The following PTGER3 variants were observed in gnomAD, a reference collection of about 807,000 sequenced individuals.
PTGER3 encodes the protein prostaglandin E2 receptor EP3 subtype.
A neutral mutation model predicts 34.7 loss-of-function variants in PTGER3; 22 were observed. The ratio of observed to expected loss-of-function variants is 0.63; its 90% CI spans 0.45 to 0.91. PTGER3 has a LOEUF of 0.91. PTGER3 is among the 40% of genes least tolerant of loss of function. The pLI, the probability that PTGER3 is intolerant of heterozygous loss-of-function variation, is 0.00. For synonymous variants in PTGER3, 241 were observed against 230.1 expected (o/e 1.05, Z -0.43); for missense variants, 468 against 519.4 (o/e 0.90, Z 0.96).
chr1:70,866,845 G>C lies in PTGER3; in HGVS notation c.*24-13986C>G, dbSNP rs1029148319. ...GCATTTTTTCCAGGCAGCGGGATAG[G>C]GGGTGCATGCTCTTACTTCTGGATC... On this transcript the variant is annotated intron_variant, in intron 4 of 4. Transcript: ENST00000370931. Among the ~76,000 whole-genome samples, 13 of 152,266 alleles carry C rather than the reference G, an allele frequency of 8.5e-5. No homozygotes were observed. In the South Asian group the frequency reaches 2.3e-3, roughly 27 times the overall value.
chr1:70,974,501 A>T (rs569843699), intron 2 of PTGER3, 113 bp from the exon 3 acceptor site: 284 of 640,872 alleles, frequency 4.4e-4, no homozygotes, highest in South Asian at 1.1e-3. Flanking sequence ...TGGATGTTTT[A>T]GATATTACCT....
At chr1:71,008,124 T>C in intron 2 of PTGER3, 1 of 978,698 alleles carries the variant, frequency 1.0e-6, no homozygotes, top group Non-Finnish European at 1.2e-6. Context: ...ACTTTCTTTC[T>C]GTGAAAGAAT....
At chr1:70,982,502 T>G (rs1654479360) in intron 2 of PTGER3, among the ~76,000 whole-genome samples, 1 of 152,160 alleles carries the variant, frequency 6.6e-6, no homozygotes, top group Non-Finnish European at 1.5e-5. Flanking sequence ...TCCACACAAT[T>G]GTTTCTAAAG....
At chr1:70,993,094 G>A (rs1402719821) in intron 2 of PTGER3, among the ~76,000 whole-genome samples, 2 of 152,096 alleles carry the variant, frequency 1.3e-5, no homozygotes, top group South Asian at 2.1e-4. Flanking sequence ...ATATAGATCT[G>A]GATATACTTA....
intron 4 of PTGER3, among the ~76,000 whole-genome samples, chr1:70,890,683 C>T (rs1303623116): frequency 6.6e-6 from 1 of 152,172 alleles, no homozygotes; most frequent in Non-Finnish European, 1.5e-5. Context: ...ACTGTAACAG[C>T]CTGTTCTCAC....
intron 4 of PTGER3, among the ~76,000 whole-genome samples, chr1:70,944,443 C>A (rs1375853473): frequency 1.3e-5 from 2 of 152,032 alleles, no homozygotes; most frequent in Admixed American, 1.3e-4. Flanking sequence ...GAAGTCAGGG[C>A]AAAAGACAGA....
chr1:70,968,002 C>T (rs1007727347), downstream of PTGER3, among the ~76,000 whole-genome samples: 3 of 152,314 alleles, frequency 2.0e-5, no homozygotes, highest in East Asian at 1.9e-4. Context: ...TGTTCTCTTA[C>T]GTATCCCTGG....
intron 4 of PTGER3, among the ~76,000 whole-genome samples, chr1:70,912,842 T>C (rs1647089815): frequency 6.6e-6 from 1 of 152,050 alleles, no homozygotes; most frequent in Admixed American, 6.6e-5. Flanking sequence ...TCCTATTCAG[T>C]TTCATTGATC....
intron 4 of PTGER3, among the ~76,000 whole-genome samples, chr1:70,892,530 C>G (rs945065304): frequency 6.6e-6 from 1 of 152,062 alleles, no homozygotes; most frequent in Non-Finnish European, 1.5e-5. Context: ...TATCCTCATC[C>G]CCTGTCTTCT....
chr1:70,905,466 C>T (rs978190475), intron 4 of PTGER3, among the ~76,000 whole-genome samples: 7 of 152,190 alleles, frequency 4.6e-5, no homozygotes, highest in Admixed American at 2.0e-4. Flanking sequence ...CCCTGCAGAT[C>T]CACAGGGGCA....
At chr1:70,899,275 C>T (rs1411786142) in intron 4 of PTGER3, among the ~76,000 whole-genome samples, 1 of 152,026 alleles carries the variant, frequency 6.6e-6, no homozygotes, top group Non-Finnish European at 1.5e-5. Context: ...ATTACACATA[C>T]AGTTGTGATA....
At chr1:70,962,461 A>G (rs1259125112) in intron 2 of PTGER3, among the ~76,000 whole-genome samples, 1 of 151,648 alleles carries the variant, frequency 6.6e-6, no homozygotes, top group Admixed American at 6.6e-5. Flanking sequence ...CAACAAAGAC[A>G]TACCTGAGAC....
chr1:71,041,506 C>G (rs1660311091), intron 1 of PTGER3, among the ~76,000 whole-genome samples: 2 of 152,172 alleles, frequency 1.3e-5, no homozygotes, highest in African/African-American at 2.4e-5. Context: ...ACTATGTTTA[C>G]AGTAAAATGT....
At chr1:70,969,725 C>A (rs370600081), downstream of PTGER3, among the ~76,000 whole-genome samples, 13 of 152,234 alleles carry the variant, frequency 8.5e-5, no homozygotes, top group African/African-American at 3.1e-4. Context: ...ACAAGAATAG[C>A]ATCCAAAGGA....
intron 1 of PTGER3, among the ~76,000 whole-genome samples, chr1:71,024,649 T>C (rs1387788716): frequency 7.3e-4 from 42 of 57,842 alleles, no homozygotes; most frequent in Middle Eastern, 0.01. Context: ...TTCTTTCTTT[T>C]TTTTTTTTTT....
intron 4 of PTGER3, among the ~76,000 whole-genome samples, chr1:70,862,725 G>T (rs1293863681): frequency 6.6e-6 from 1 of 152,118 alleles, no homozygotes; most frequent in Non-Finnish European, 1.5e-5. Flanking sequence ...TGGCGGAAGA[G>T]AAGACAAGGA....
At chr1:70,944,767 C>G (rs752182798) in intron 4 of PTGER3, among the ~76,000 whole-genome samples, 1 of 152,048 alleles carries the variant, frequency 6.6e-6, no homozygotes, top group East Asian at 1.9e-4. Context: ...GTGGATATGT[C>G]TTTTTATAGC....
intron 2 of PTGER3, among the ~76,000 whole-genome samples, chr1:70,998,078 G>A (rs1376935589): frequency 1.3e-5 from 2 of 152,194 alleles, no homozygotes; most frequent in African/African-American, 2.4e-5. Flanking sequence ...TTCTTAGTCC[G>A]CCCTTCAGGG....
chr1:70,884,714 T>G (rs1454498192), intron 4 of PTGER3, among the ~76,000 whole-genome samples: 1 of 152,194 alleles, frequency 6.6e-6, no homozygotes, highest in Non-Finnish European at 1.5e-5. Context: ...TAGGAAGCAA[T>G]AGAAAATTAA....
Sources: gnomAD v4.1 joint callset for allele counts (sites outside exome capture counted in the v4.1 genomes callset) on GRCh38, gnomAD v4.1.1 for gene constraint, MANE v1.5 for transcripts, NCBI Gene and HGNC (gene_info 2026-07-23, HGNC 2026-07-21) for gene names.